Variants in STXBP5L observed in about 807,000 individuals in gnomAD.
STXBP5L encodes the protein syntaxin binding protein 5L, also known as syntaxin-binding protein 5-like.
In STXBP5L, 65 loss-of-function variants were observed where a neutral mutation model predicts 144.5. The ratio of observed to expected loss-of-function variants is 0.45; its 90% CI spans 0.37 to 0.55. STXBP5L has a LOEUF of 0.55. STXBP5L is among the 20% of genes least tolerant of loss of function. The pLI, the probability that STXBP5L is intolerant of heterozygous loss-of-function variation, is 0.00. For missense variants in STXBP5L, 1,298 were observed against 1,405.5 expected, an observed-to-expected ratio of 0.92 and a Z score of 1.22; for synonymous variants, 505 against 469.6, an observed-to-expected ratio of 1.08 and a Z score of -0.97.
chr3:121,330,161 C>G (rs1226244115), intron 20 of STXBP5L, among the ~76,000 whole-genome samples: 1 of 152,130 alleles, frequency 6.6e-6, no homozygotes, highest in African/African-American at 2.4e-5. Flanking sequence ...ACAGGGAAGG[C>G]TTATGGCATA....
At chr3:121,172,605 G>A (rs982947136) in intron 9 of STXBP5L, among the ~76,000 whole-genome samples, 3 of 152,216 alleles carry the variant, frequency 2.0e-5, no homozygotes, top group East Asian at 1.9e-4. Context: ...GGTCATTAGA[G>A]AAATGCAAAT....
chr3:120,961,135 G>C (rs2107736202), intron 3 of STXBP5L, among the ~76,000 whole-genome samples: 1 of 151,002 alleles, frequency 6.6e-6, no homozygotes, highest in South Asian at 2.1e-4. Context: ...AGTTTCTAAT[G>C]AGCCTTTGTA....
At chr3:120,930,916 C>T (rs1356601057) in intron 2 of STXBP5L, among the ~76,000 whole-genome samples, 1 of 152,032 alleles carries the variant, frequency 6.6e-6, no homozygotes, top group Non-Finnish European at 1.5e-5. Flanking sequence ...ACTGGGATAA[C>T]TATGTTTTTC....
chr3:121,343,254 G>A (rs1651337164), intron 20 of STXBP5L, among the ~76,000 whole-genome samples: 1 of 151,982 alleles, frequency 6.6e-6, no homozygotes, highest in Non-Finnish European at 1.5e-5. Flanking sequence ...CCCTTTGTCA[G>A]ATGGGTAGGT....
intron 2 of STXBP5L, among the ~76,000 whole-genome samples, chr3:120,951,612 C>T (rs1302788033): frequency 6.6e-6 from 1 of 152,146 alleles, no homozygotes; most frequent in Non-Finnish European, 1.5e-5. Context: ...GAGATATCAT[C>T]TCACACCAGT....
chr3:121,354,675 C>T (rs567468577), intron 20 of STXBP5L, among the ~76,000 whole-genome samples: 84 of 152,124 alleles, frequency 5.5e-4, no homozygotes, highest in Middle Eastern at 3.4e-3. Flanking sequence ...TTAATTGGCA[C>T]ATTTAGCCCA....
chr3:121,412,652 T>A (rs955988490), intron 23 of STXBP5L, among the ~76,000 whole-genome samples: 2 of 133,488 alleles, frequency 1.5e-5, no homozygotes, highest in East Asian at 2.1e-4. Context: ...GTATTTCTGA[T>A]AATAGTTTAC....
At chr3:121,152,308 G>C (rs779748667) in intron 7 of STXBP5L, among the ~76,000 whole-genome samples, 169 bp from the exon 8 acceptor site, 17 of 151,924 alleles carry the variant, frequency 1.1e-4, no homozygotes, top group Non-Finnish European at 2.2e-4. Context: ...TATTGAAGCA[G>C]AGTTTGCCAT....
At chr3:121,326,769 G>T (rs1290252357) in intron 20 of STXBP5L, among the ~76,000 whole-genome samples, 1 of 152,040 alleles carries the variant, frequency 6.6e-6, no homozygotes, top group East Asian at 1.9e-4. Flanking sequence ...ATATATGGTA[G>T]TGATTATTAT....
intron 2 of STXBP5L, among the ~76,000 whole-genome samples, chr3:120,946,570 A>G (rs2107669922): frequency 6.6e-6 from 1 of 151,782 alleles, no homozygotes; most frequent in South Asian, 2.1e-4. Flanking sequence ...TATAGAAGGG[A>G]AAAATGCAGA....
At chr3:121,279,690 G>A in intron 18 of STXBP5L, 115 bp from the exon 19 acceptor site, 1 of 1,264,728 alleles carries the variant, frequency 7.9e-7, no homozygotes, top group Non-Finnish European at 1.1e-6. Context: ...ACAAATCACT[G>A]CCCAACTTCC....
intron 20 of STXBP5L, among the ~76,000 whole-genome samples, chr3:121,360,212 A>G (rs1053118132): frequency 6.6e-6 from 1 of 151,292 alleles, no homozygotes; most frequent in South Asian, 2.1e-4. Flanking sequence ...TGATATAAAT[A>G]TAGTGACTCC....
At chr3:121,369,766 A>G (rs976401480) in intron 20 of STXBP5L, among the ~76,000 whole-genome samples, 1 of 152,060 alleles carries the variant, frequency 6.6e-6, no homozygotes, top group Non-Finnish European at 1.5e-5. Context: ...AGCTGCCTTT[A>G]AAATAGTTTC....
At chr3:121,136,019 A>G (rs1014724478) in intron 7 of STXBP5L, among the ~76,000 whole-genome samples, 2 of 152,116 alleles carry the variant, frequency 1.3e-5, no homozygotes, top group Admixed American at 1.3e-4. Context: ...CCGCTGACCG[A>G]CTACAGTGCC....
chr3:121,159,484 A>G (rs2046237209), intron 9 of STXBP5L, among the ~76,000 whole-genome samples: 1 of 152,116 alleles, frequency 6.6e-6, no homozygotes, highest in African/African-American at 2.4e-5. Flanking sequence ...ATTTCTAAGC[A>G]TGTTTTTTAT....
intron 1 of STXBP5L, among the ~76,000 whole-genome samples, chr3:120,909,348 GC>G (rs1192069332): frequency 6.6e-6 from 1 of 152,126 alleles, no homozygotes; most frequent in African/African-American, 2.4e-5. Flanking sequence ...GAATACTGTT[GC>G]TTTTGGAGTT....
intron 5 of STXBP5L, among the ~76,000 whole-genome samples, chr3:121,100,290 G>T (rs1019278381): frequency 1.3e-5 from 2 of 151,960 alleles, no homozygotes; most frequent in African/African-American, 4.8e-5. Flanking sequence ...TCAACTATAG[G>T]ATACTCACTC....
At chr3:121,404,057 C>T (rs2046943546) in intron 22 of STXBP5L, among the ~76,000 whole-genome samples, 3 of 152,088 alleles carry the variant, frequency 2.0e-5, no homozygotes, top group Admixed American at 1.3e-4. Context: ...CCACAAATTC[C>T]TAACATATAT....
At chr3:121,292,394 T>C (rs1577379944) in intron 19 of STXBP5L, among the ~76,000 whole-genome samples, 1 of 152,218 alleles carries the variant, frequency 6.6e-6, no homozygotes, top group South Asian at 2.1e-4. Context: ...AAATAATACA[T>C]GTTAGCATGG....
Sources: gnomAD v4.1 joint callset for allele counts (sites outside exome capture counted in the v4.1 genomes callset) on GRCh38, gnomAD v4.1.1 for gene constraint, MANE v1.5 for transcripts, NCBI Gene and HGNC (gene_info 2026-07-23, HGNC 2026-07-21) for gene names.